Variants in EIF3F observed in about 807,000 individuals in gnomAD.
The protein encoded by EIF3F is deubiquitinating enzyme eIF3f.
EIF3F carries 8 observed loss-of-function variants against 36.0 expected under a neutral mutation model. That is an observed-to-expected ratio of 0.22 (90% CI 0.13 to 0.40). The LOEUF (loss-of-function observed/expected upper bound fraction) is 0.40, where lower values mean the gene tolerates loss of function less well. EIF3F is among the 10% of genes least tolerant of loss of function. The pLI, the probability that EIF3F is intolerant of heterozygous loss-of-function variation, is 1.00. For missense variants in EIF3F, 430 were observed against 467.6 expected, an observed-to-expected ratio of 0.92 and a Z score of 0.74; for synonymous variants, 184 against 188.5, an observed-to-expected ratio of 0.98 and a Z score of 0.19.
chr11:7,994,900 A>T, intron 5 of EIF3F, 82 bp from the exon 6 acceptor site: 2 of 1,571,116 alleles, frequency 1.3e-6, no homozygotes, highest in South Asian at 2.4e-5. Flanking sequence ...CGTTAAGACC[A>T]TCTCTTTCCT....
intron 7 of EIF3F, 88 bp from the exon 8 acceptor site, chr11:7,995,857 C>T (rs941663297): frequency 9.1e-6 from 9 of 988,364 alleles, no homozygotes; most frequent in African/African-American, 3.2e-5. Flanking sequence ...TCCTCATACC[C>T]AGTGTCTACC....
In EIF3F at chr11:7,993,036, C is replaced by T. The variant is rs1942115207; in HGVS notation, c.653+12C>T. On this transcript the variant is annotated intron_variant, in intron 4 of 7. Coordinates refer to ENST00000651655, the MANE Select transcript of EIF3F (RefSeq NM_003754.3). ...AAAGCCTACGTCAGGTGACCACAGTCTTGGGCTACAAGGGCATAAAACCAT... is the reference window on the plus strand; with the variant it reads ...AAAGCCTACGTCAGGTGACCACAGTTTTGGGCTACAAGGGCATAAAACCAT... 1 of 1,576,690 alleles carries T rather than the reference C, an allele frequency of 6.3e-7. No homozygotes were observed. The highest frequency in any genetic ancestry group is 2.3e-5 in the East Asian group (1 of 43,872).
At position 7,993,033 on chromosome 11, in the gene EIF3F, A is replaced by G; in HGVS notation, c.653+9A>G. On this transcript the variant is annotated intron_variant, in intron 4 of 7. Transcript: ENST00000651655. ...ATCAAAGCCTACGTCAGGTGACCAC[A>G]GTCTTGGGCTACAAGGGCATAAAAC... The G allele has an allele frequency of 3.8e-6, 6 of 1,578,346 alleles. No homozygotes were observed. Among genetic ancestry groups the G allele is most frequent in the Non-Finnish European group, 5.2e-6 (6 of 1,162,068 alleles).
At position 7,992,139 on chromosome 11, in the gene EIF3F, C is replaced by G; in HGVS notation, c.491C>G (p.Ser164Cys). ...KNMYELHKKV[S>C]PNELILGWYA... ...ATGTATGAACTGCATAAAAAAGTTT[C>G]TCCAAATGAGCTCATCCTGGGCTGG... Residue 164 changes from serine (S) to cysteine (C), a missense_variant, in exon 3 of 8, where the codon TCT (serine) becomes TGT (cysteine). By Grantham distance (112) the Ser-to-Cys change is moderately radical (BLOSUM62 -1). Coordinates refer to ENST00000651655, the MANE Select transcript of EIF3F (RefSeq NM_003754.3). 6.2e-7 allele frequency: 1 copy of G among 1,613,372 alleles called. No homozygotes were observed. Among genetic ancestry groups the G allele is most frequent in the Non-Finnish European group, 8.5e-7 (1 of 1,180,006 alleles).
intron 4 of EIF3F, among the ~76,000 whole-genome samples, chr11:7,993,920 T>C (rs914958046): frequency 1.3e-5 from 2 of 152,134 alleles, no homozygotes; most frequent in Non-Finnish European, 2.9e-5. Flanking sequence ...GAGAAAGATA[T>C]ATATAGTTGA....
chr11:8,001,287 T>C lies in EIF3F; in HGVS notation c.*5265T>C, dbSNP rs1232748535. 1 of 152,218 alleles carries C rather than the reference T, an allele frequency of 6.6e-6. No homozygotes were observed. Among genetic ancestry groups the C allele is most frequent in the African/African-American group, 2.4e-5 (1 of 41,452 alleles). The allele number at this position is 152,218 out of a possible 1,614,324, so 9.4% of individuals were successfully genotyped here. A position where few individuals can be genotyped will look rare whatever the true frequency, so the allele number is the denominator to read the frequency against. ...CAGGCACAGATTGCTGGTAGACATA[T>C]AAGTTGGTACAGCCCTCTCTATGTA... On this transcript the variant is annotated 3_prime_UTR_variant, in exon 8 of 8. Coordinates refer to ENST00000651655, the MANE Select transcript of EIF3F (RefSeq NM_003754.3).
In EIF3F at chr11:7,992,079, C is replaced by T; in HGVS notation, c.436-5C>T. On this transcript the variant is annotated splice_region_variant and splice_polypyrimidine_tract_variant and intron_variant, in intron 2 of 7. Transcript: ENST00000651655. ...CTTAGCTTGCTTTCCTGCCTTCCCT[C>T]TTAGGTGGCTGTTGACATGGAATTT... The T allele has an allele frequency of 1.2e-6, 2 of 1,613,220 alleles. No homozygotes were observed. Among genetic ancestry groups the T allele is most frequent in the Non-Finnish European group, 1.7e-6 (2 of 1,179,982 alleles).
intron 1 of EIF3F, 22 bp from the exon 2 acceptor site, chr11:7,991,759 T>C (rs1416059971): frequency 9.3e-6 from 15 of 1,613,688 alleles, no homozygotes; most frequent in Non-Finnish European, 1.3e-5. Context: ...ATATAACACA[T>C]GGACGATTCT....
chr11:8,000,447 TA>T lies in EIF3F; in HGVS notation c.*4428del, dbSNP rs1942208534. Reference sequence around the variant, plus strand: ...TTGGTCAAGGGTACAAAGTTTCAGTTAAACAGGAGTAGTACGTTCCGGAGAC... The same window carrying T: ...TTGGTCAAGGGTACAAAGTTTCAGTTAACAGGAGTAGTACGTTCCGGAGAC... On this transcript the variant is annotated 3_prime_UTR_variant, in exon 8 of 8. Coordinates refer to ENST00000651655, the MANE Select transcript of EIF3F (RefSeq NM_003754.3). 1 of 152,114 alleles carries T rather than the reference TA, an allele frequency of 6.6e-6. No homozygotes were observed. Among genetic ancestry groups the T allele is most frequent in the Admixed American group, 6.5e-5 (1 of 15,282 alleles). 9.4% of individuals were successfully genotyped at this position (152,114 alleles called of 1,614,324 possible).
At chr11:7,990,705 A>G (rs1037251486) in intron 1 of EIF3F, among the ~76,000 whole-genome samples, 4 of 152,156 alleles carry the variant, frequency 2.6e-5, no homozygotes, top group Non-Finnish European at 5.9e-5. Context: ...AGCAGAAACC[A>G]TAGTGAGTTG....
At chr11:7,995,681 C>A in intron 7 of EIF3F, 1 of 586,688 alleles carries the variant, frequency 1.7e-6, no homozygotes, top group East Asian at 2.8e-5. Flanking sequence ...TTTCCCCCAT[C>A]TGAGTTCACA....
rs1199575803 is a variant in EIF3F, at chr11:7,994,729, A to C, written c.745+212A>C. Reference sequence around the variant, plus strand: ...TTAAAGGTGGGAAATGATCAGCACCAGAGGCCACATACCATTCACATGAGA... The same window carrying C: ...TTAAAGGTGGGAAATGATCAGCACCCGAGGCCACATACCATTCACATGAGA... On this transcript the variant is annotated intron_variant, in intron 5 of 7. Coordinates refer to ENST00000651655, the MANE Select transcript of EIF3F (RefSeq NM_003754.3). 5 of 680,664 alleles carry C rather than the reference A, an allele frequency of 7.3e-6. No individual in the cohort carries two copies. In the East Asian group the frequency reaches 1.4e-4, roughly 19 times the overall value. The allele number at this position is 680,664 out of a possible 1,614,324, so 42.2% of individuals were successfully genotyped here.
At position 7,997,708 on chromosome 11, in the gene EIF3F, A is replaced by G. The variant is rs1942176056; in HGVS notation, c.*1686A>G. On this transcript the variant is annotated 3_prime_UTR_variant, in exon 8 of 8. Coordinates refer to ENST00000651655, the MANE Select transcript of EIF3F (RefSeq NM_003754.3). ...ATGAAAAAAGCTGGTGTCAGAAGAC[A>G]TGTACATTATGATACTCCAGAAGTT... The G allele has an allele frequency of 6.6e-6, 1 of 152,240 alleles. No individual in the cohort carries two copies. The highest frequency in any genetic ancestry group is 2.1e-4 in the South Asian group (1 of 4,834). The allele number at this position is 152,240 out of a possible 1,614,324, so 9.4% of individuals were successfully genotyped here. A position where few individuals can be genotyped will look rare whatever the true frequency, so the allele number is the denominator to read the frequency against.
At chr11:7,992,445 A>G (rs1194014681) in intron 3 of EIF3F, 1 of 473,312 alleles carries the variant, frequency 2.1e-6, no homozygotes, top group African/African-American at 2.0e-5. Context: ...GATGACACAC[A>G]CCTATAGTCC....
In EIF3F at chr11:7,987,368, G is replaced by A. The variant is rs749911888; in HGVS notation, c.16G>A (p.Val6Ile). ...TCTCGACAAGATGGCCACACCGGCG[G>A]TACCAGTAAGTGCTCCTCCGGCCAC... MATPA[V>I]PVSAPPATPT... is the part of the protein sequence containing the mutation. Residue 6 changes from valine (V) to isoleucine (I), a missense_variant, in exon 1 of 8, where the codon GTA becomes ATA. Val to Ile is a conservative substitution (Grantham distance 29). Around this residue, in one of 2 missense-constraint regions of EIF3F, gnomAD observed 168 missense variants for 120.2 expected, o/e 1.40. Coordinates refer to ENST00000651655, the MANE Select transcript of EIF3F (RefSeq NM_003754.3). 22 of 1,595,190 alleles carry A rather than the reference G, an allele frequency of 1.4e-5. No homozygotes were observed. In the African/African-American group the frequency reaches 2.7e-4, roughly 19 times the overall value.
At chr11:7,994,375 T>C in intron 4 of EIF3F, 51 bp from the exon 5 acceptor site, 3 of 1,533,978 alleles carry the variant, frequency 2.0e-6, no homozygotes, top group Non-Finnish European at 2.7e-6. Flanking sequence ...AGAATAGACA[T>C]GGAAACCCTC....
rs1328898550 is a variant in EIF3F, at chr11:8,000,665, A to G, written c.*4643A>G. 1 of 152,240 alleles carries G rather than the reference A, an allele frequency of 6.6e-6. No individual in the cohort carries two copies. The highest frequency in any genetic ancestry group is 1.5e-5 in the Non-Finnish European group (1 of 68,042). The allele number at this position is 152,240 out of a possible 1,614,324, so 9.4% of individuals were successfully genotyped here. A position where few individuals can be genotyped will look rare whatever the true frequency, so the allele number is the denominator to read the frequency against. On this transcript the variant is annotated 3_prime_UTR_variant, in exon 8 of 8. Coordinates refer to ENST00000651655, the MANE Select transcript of EIF3F (RefSeq NM_003754.3). ...CAGTTTTTGTCAATTTAAAGATATC[A>G]GAATTCTAGAATATGATAAAGTTGT...
rs1303961507 is a variant in EIF3F at position 8,001,061 on chromosome 11, C to T, written c.*5039C>T. The T allele has an allele frequency of 6.6e-6, 1 of 152,198 alleles. No homozygotes were observed. Among genetic ancestry groups the T allele is most frequent in the Non-Finnish European group, 1.5e-5 (1 of 68,038 alleles). 9.4% of individuals were successfully genotyped at this position (152,198 alleles called of 1,614,324 possible). Reference sequence around the variant, plus strand: ...TAATATTCTTGTCCCAGAATTCCTACAGTTTTTTAAGGCCAGTAATTTGAT... The same window carrying T: ...TAATATTCTTGTCCCAGAATTCCTATAGTTTTTTAAGGCCAGTAATTTGAT... On this transcript the variant is annotated 3_prime_UTR_variant, in exon 8 of 8. Coordinates refer to ENST00000651655, the MANE Select transcript of EIF3F (RefSeq NM_003754.3).
Position 7,996,642 on chromosome 11 carries a change from C to G in EIF3F, c.*620C>G, listed in dbSNP as rs1034561637. 4 of 152,210 alleles carry G rather than the reference C, an allele frequency of 2.6e-5. No homozygotes were observed. Among genetic ancestry groups the G allele is most frequent in the African/African-American group, 9.7e-5 (4 of 41,436 alleles). The allele number at this position is 152,210 out of a possible 1,614,324, so 9.4% of individuals were successfully genotyped here. On this transcript the variant is annotated 3_prime_UTR_variant, in exon 8 of 8. Transcript: ENST00000651655. ...GTTATACTGAGGTCTGCCAGTGGCTCAATTTAAGCAAAGACTAGATGGCAT... is the reference window on the plus strand; with the variant it reads ...GTTATACTGAGGTCTGCCAGTGGCTGAATTTAAGCAAAGACTAGATGGCAT...
Sources: gnomAD v4.1 joint callset for allele counts (sites outside exome capture counted in the v4.1 genomes callset) on GRCh38, gnomAD v4.1.1 for gene constraint, gnomAD v4.1.1 regional missense constraint, MANE v1.5 for transcripts, NCBI Gene and HGNC (gene_info 2026-07-23, HGNC 2026-07-21) for gene names.